The following LRRC7 variants were observed in gnomAD, a reference collection of about 807,000 sequenced individuals.
LRRC7 encodes the protein leucine rich repeat containing 7, also known as leucine-rich repeat-containing protein 7.
A neutral mutation model predicts 175.7 loss-of-function variants in LRRC7; 23 were observed. The ratio of observed to expected loss-of-function variants is 0.13; its 90% confidence interval spans 0.09 to 0.19. The LOEUF (loss-of-function observed/expected upper bound fraction) is 0.19, where lower values mean the gene tolerates loss of function less well. Among genes scored for constraint, LRRC7 ranks in the 10% least tolerant of loss-of-function variants. The pLI, the probability that LRRC7 is intolerant of heterozygous loss-of-function variation, is 1.00. For synonymous variants in LRRC7, 685 were observed against 680.9 expected, an observed-to-expected ratio of 1.01 and a Z score of -0.09; for missense variants, 1,354 against 1,904.7, an observed-to-expected ratio of 0.71 and a Z score of 5.38.
chr1:70,033,535 A>G (rs17131141), intron 18 of LRRC7, among the ~76,000 whole-genome samples: 2,572 of 152,232 alleles, frequency 0.017, 76 homozygotes, highest in African/African-American at 0.059. Context: ...TTCTTGTTTC[A>G]ATAATGTCCT....
At chr1:69,997,990 T>G (rs1397069163) in intron 11 of LRRC7, among the ~76,000 whole-genome samples, 3 of 152,182 alleles carry the variant, frequency 2.0e-5, no homozygotes, top group African/African-American at 7.2e-5. Flanking sequence ...CAGTTCCTCC[T>G]TGTACCTCTG....
intron 3 of LRRC7, among the ~76,000 whole-genome samples, chr1:69,767,723 A>C (rs1023105545): frequency 2.6e-5 from 4 of 152,146 alleles, no homozygotes; most frequent in African/African-American, 9.7e-5. Flanking sequence ...TGGCCTCCCA[A>C]AGTGCTGGAT....
chr1:69,815,706 A>T (rs1678504742), intron 4 of LRRC7, among the ~76,000 whole-genome samples: 1 of 152,204 alleles, frequency 6.6e-6, no homozygotes, highest in Admixed American at 6.5e-5. Context: ...GGGGGCTATA[A>T]CAAAATACTA....
chr1:70,102,285 T>C (rs149718528), intron 25 of LRRC7, among the ~76,000 whole-genome samples: 9 of 152,278 alleles, frequency 5.9e-5, no homozygotes, highest in South Asian at 2.1e-4. Flanking sequence ...CAGGAAACCA[T>C]AGATGAGGCA....
At chr1:69,658,081 T>C (rs1656915149) in intron 1 of LRRC7, among the ~76,000 whole-genome samples, 1 of 151,904 alleles carries the variant, frequency 6.6e-6, no homozygotes, top group South Asian at 2.1e-4. Flanking sequence ...TTAGTAATAT[T>C]ATTCTGATGT....
chr1:69,779,473 A>G (rs1343426721), intron 3 of LRRC7, among the ~76,000 whole-genome samples: 1 of 152,230 alleles, frequency 6.6e-6, no homozygotes, highest in Non-Finnish European at 1.5e-5. Flanking sequence ...TTTCATTTAA[A>G]TATTTTAATG....
intron 26 of LRRC7, among the ~76,000 whole-genome samples, chr1:70,113,166 T>C (rs571720972): frequency 2.0e-5 from 3 of 152,268 alleles, no homozygotes; most frequent in Admixed American, 6.5e-5. Context: ...TACACAGATA[T>C]ATATACAAAC....
chr1:69,686,500 A>G (rs1570353684), intron 2 of LRRC7, among the ~76,000 whole-genome samples: 1 of 152,200 alleles, frequency 6.6e-6, no homozygotes, highest in Non-Finnish European at 1.5e-5. Flanking sequence ...AGGTTTCTCT[A>G]CTTCACTTGA....
At chr1:69,602,779 G>A (rs555114614) in intron 1 of LRRC7, among the ~76,000 whole-genome samples, 2 of 152,182 alleles carry the variant, frequency 1.3e-5, no homozygotes, top group Admixed American at 1.3e-4. Context: ...TGATGTTCAG[G>A]TTAGCAACTT....
chr1:69,685,976 A>G (rs371936147), intron 2 of LRRC7, among the ~76,000 whole-genome samples: 1 of 152,146 alleles, frequency 6.6e-6, no homozygotes, highest in South Asian at 2.1e-4. Flanking sequence ...TATTTAAAAC[A>G]GCCAGAGTGC....
rs745683445 is a variant in LRRC7 at position 70,129,018 on chromosome 1, G to T, written c.*7131G>T. Among the ~76,000 whole-genome samples, 2 of 152,058 alleles carry T rather than the reference G, an allele frequency of 1.3e-5. No homozygotes were observed. The highest frequency in any genetic ancestry group is 2.9e-5 in the Non-Finnish European group (2 of 68,024). On this transcript the variant is annotated 3_prime_UTR_variant, in exon 27 of 27. Transcript: ENST00000651989. Reference sequence around the variant, plus strand: ...CCCAGCACTTAGGGAGGCCGAGGCAGGTGGATCACTTGAGGTCAGGAATTG... The same window carrying T: ...CCCAGCACTTAGGGAGGCCGAGGCATGTGGATCACTTGAGGTCAGGAATTG...
At chr1:69,925,785 T>C in intron 7 of LRRC7, among the ~76,000 whole-genome samples, 1 of 151,408 alleles carries the variant, frequency 6.6e-6, no homozygotes, top group South Asian at 2.1e-4. Context: ...AGGGTTTTTT[T>C]GTGTCTCTAT....
At chr1:70,059,335 A>G (rs2102078681) in intron 23 of LRRC7, among the ~76,000 whole-genome samples, 1 of 152,254 alleles carries the variant, frequency 6.6e-6, no homozygotes, top group African/African-American at 2.4e-5. Context: ...TTGGCTCACA[A>G]ACTTACCTCT....
chr1:69,824,169 G>A (rs943618614), intron 4 of LRRC7, among the ~76,000 whole-genome samples: 1 of 152,112 alleles, frequency 6.6e-6, no homozygotes, highest in African/African-American at 2.4e-5. Flanking sequence ...TTTTAAGACA[G>A]GGACCTGTGG....
intron 8 of LRRC7, among the ~76,000 whole-genome samples, chr1:69,958,696 G>A (rs1650743515): frequency 6.6e-6 from 1 of 151,938 alleles, no homozygotes; most frequent in Admixed American, 6.6e-5. Context: ...GGTAGTTAAT[G>A]GGAGAAAACT....
intron 7 of LRRC7, among the ~76,000 whole-genome samples, chr1:69,887,784 A>C (rs868195856): frequency 1.4e-5 from 2 of 146,782 alleles, no homozygotes; most frequent in Middle Eastern, 3.5e-3. Flanking sequence ...GGTGATGTAC[A>C]GATGGGTTTT....
rs545853415 is a variant in LRRC7, at chr1:70,132,150, T to G, written c.*10263T>G. 2.0e-5 allele frequency: 3 copies of G among 152,284 alleles called. No homozygotes were observed. The highest frequency in any genetic ancestry group is 7.2e-5 in the African/African-American group (3 of 41,462). 9.4% of individuals were successfully genotyped at this position (152,284 alleles called of 1,614,324 possible). On this transcript the variant is annotated 3_prime_UTR_variant, in exon 27 of 27. Coordinates refer to ENST00000651989, the MANE Select transcript of LRRC7 (RefSeq NM_001370785.2). ...CTCTTCGTTCTGGTGACCATGCCCC[T>G]TCTTCAGACAGCCCTGAATTCCCTT...
chr1:69,608,289 T>A (rs940922095), intron 1 of LRRC7: 2 of 152,176 alleles, frequency 1.3e-5, no homozygotes, highest in African/African-American at 2.4e-5. Flanking sequence ...TTTAGGCATC[T>A]TTTCTTGGCC....
At chr1:69,648,255 A>G (rs1655282022) in intron 1 of LRRC7, among the ~76,000 whole-genome samples, 1 of 152,144 alleles carries the variant, frequency 6.6e-6, no homozygotes, top group Non-Finnish European at 1.5e-5. Context: ...TTGTTCATAA[A>G]TTAACTATTA....
Sources: gnomAD v4.1 joint callset for allele counts (sites outside exome capture counted in the v4.1 genomes callset) on GRCh38, gnomAD v4.1.1 for gene constraint, MANE v1.5 for transcripts, NCBI Gene and HGNC (gene_info 2026-07-23, HGNC 2026-07-21) for gene names.